RARB: variants seen among roughly 807,000 people sequenced by gnomAD.
RARB encodes retinoic acid receptor beta.
RARB carries 17 observed loss-of-function variants against 51.9 expected under a neutral mutation model. The ratio of observed to expected loss-of-function variants is 0.33; its 90% CI spans 0.22 to 0.49. The LOEUF (loss-of-function observed/expected upper bound fraction) is 0.49. Ranked by LOEUF, RARB falls within the 20% of genes least tolerant of loss-of-function variation. The pLI is 0.99. For missense variants in RARB, 369 were observed against 550.8 expected, an observed-to-expected ratio of 0.67 and a Z score of 3.30; for synonymous variants, 215 against 195.4, an observed-to-expected ratio of 1.10 and a Z score of -0.84.
chr3:25,576,555 C>A (rs375591900), intron 4 of RARB, among the ~76,000 whole-genome samples: 1 of 152,202 alleles, frequency 6.6e-6, no homozygotes, highest in East Asian at 1.9e-4. Context: ...AAGGTCATGT[C>A]CCAGCTCAGG....
intron 2 of RARB, among the ~76,000 whole-genome samples, chr3:25,490,237 C>T (rs888776971): frequency 9.9e-5 from 15 of 152,026 alleles, no homozygotes; most frequent in African/African-American, 3.6e-4. Flanking sequence ...CCAACATGGC[C>T]CTGAAAATTA....
intron 5 of RARB, among the ~76,000 whole-genome samples, chr3:25,277,097 AC>A (rs1175142874): frequency 6.6e-6 from 1 of 152,224 alleles, no homozygotes; most frequent in Admixed American, 6.5e-5. Context: ...CCCACGTATT[AC>A]TGGAAAAGTT....
chr3:25,493,411 G>T (rs1294095246), intron 2 of RARB, among the ~76,000 whole-genome samples: 1 of 152,106 alleles, frequency 6.6e-6, no homozygotes, highest in Non-Finnish European at 1.5e-5. Flanking sequence ...AGCTGTGATG[G>T]GATTATTCCA....
chr3:25,569,391 A>G (rs1025968539), intron 3 of RARB, among the ~76,000 whole-genome samples: 1 of 152,230 alleles, frequency 6.6e-6, no homozygotes, highest in Admixed American at 6.5e-5. Context: ...CTTCCCTTAC[A>G]ATGTCACTCA....
chr3:25,196,010 T>C (rs983980513), intron 5 of RARB, among the ~76,000 whole-genome samples: 2 of 152,000 alleles, frequency 1.3e-5, no homozygotes, highest in African/African-American at 4.8e-5. Context: ...CATTTAAAAA[T>C]TCTTCGTGGT....
chr3:25,287,925 T>A (rs531793930), intron 5 of RARB, among the ~76,000 whole-genome samples: 1 of 152,102 alleles, frequency 6.6e-6, no homozygotes, highest in East Asian at 1.9e-4. Context: ...CTATGTAAGA[T>A]CACAAACTTA....
chr3:25,120,856 A>T (rs934505193), intron 3 of RARB, among the ~76,000 whole-genome samples: 16 of 152,082 alleles, frequency 1.1e-4, no homozygotes. Flanking sequence ...TTCACTGCAA[A>T]TAAGCCACAC....
intron 3 of RARB, among the ~76,000 whole-genome samples, chr3:25,544,185 A>G (rs1440159017): frequency 5.9e-5 from 9 of 152,220 alleles, no homozygotes. Context: ...GAAAAATTGG[A>G]TATATTATTT....
rs1193162346 is a variant in RARB, at chr3:25,219,291, C to T, written c.178+44716C>T. Among the ~76,000 whole-genome samples the T allele has an allele frequency of 4.6e-5, 7 of 151,754 alleles. No individual in the cohort carries two copies. The East Asian group carries it at 1.4e-3, about 29-fold the overall frequency. On this transcript the variant is annotated intron_variant, in intron 5 of 11. Transcript: ENST00000383772. Reference sequence around the variant, plus strand: ...AAAAAAAAAAATATGTATCCATACACCATCTTATAGCAAAGACTAAGGAAG... The same window carrying T: ...AAAAAAAAAAATATGTATCCATACATCATCTTATAGCAAAGACTAAGGAAG...
In RARB at chr3:25,332,617, A is replaced by G. The variant is rs555587540; in HGVS notation, c.179-128576A>G. 2.0e-5 allele frequency among the ~76,000 whole-genome samples: 3 copies of G among 152,348 alleles called. No individual in the cohort carries two copies. The South Asian group carries it at 6.2e-4, about 32-fold the overall frequency. ...AGCATTCCCTTTGAAAACTGGCACA[A>G]GACAGGGATGACCTCTCTCACCACT... On this transcript the variant is annotated intron_variant, in intron 5 of 11. Coordinates refer to the RARB transcript ENST00000383772.
intron 4 of RARB, among the ~76,000 whole-genome samples, chr3:25,135,185 C>T (rs947799556): frequency 1.3e-5 from 2 of 151,824 alleles, no homozygotes; most frequent in Non-Finnish European, 2.9e-5. Flanking sequence ...AGCCACTAGC[C>T]AGGTGTGGCT....
At chr3:25,005,481 G>T (rs1476460604) in intron 2 of RARB, among the ~76,000 whole-genome samples, 1 of 152,130 alleles carries the variant, frequency 6.6e-6, no homozygotes, top group Non-Finnish European at 1.5e-5. Context: ...CTGATTGTAG[G>T]CAGAAAGTTC....
intron 2 of RARB, among the ~76,000 whole-genome samples, chr3:24,898,764 C>G (rs1380386013): frequency 6.6e-6 from 1 of 152,256 alleles, no homozygotes; most frequent in South Asian, 2.1e-4. Context: ...CTGCATTTAG[C>G]TTTTTGCTCT....
At chr3:25,106,444 G>GTTTTT (rs1478060108) in intron 3 of RARB, among the ~76,000 whole-genome samples, 22 of 67,006 alleles carry the variant, frequency 3.3e-4, no homozygotes, top group African/African-American at 1.1e-3. Context: ...CCCAGCTACT[G>GTTTTT]TTTTTTGTTT....
At chr3:25,318,206 G>C (rs986416975) in intron 5 of RARB, among the ~76,000 whole-genome samples, 1 of 152,120 alleles carries the variant, frequency 6.6e-6, no homozygotes, top group African/African-American at 2.4e-5. Flanking sequence ...GTCACCATCA[G>C]CACTAAATTC....
chr3:25,314,808 C>T (rs916330897), intron 5 of RARB, among the ~76,000 whole-genome samples: 1 of 152,102 alleles, frequency 6.6e-6, no homozygotes. Context: ...AGGTGGTGAG[C>T]GTAGTACCCA....
chr3:25,362,397 C>T (rs1413379157), intron 5 of RARB, among the ~76,000 whole-genome samples: 4 of 152,210 alleles, frequency 2.6e-5, no homozygotes, highest in African/African-American at 9.7e-5. Flanking sequence ...GCAGTACTCT[C>T]ATTCCAGTGG....
At position 25,596,908 on chromosome 3, in the gene RARB, C is replaced by A. The variant is rs1343938087; in HGVS notation, c.*292C>A. Reference sequence around the variant, plus strand: ...CAAGATTGCATGGCAAAGACCCAGTCAAAATGATTTACCCCTGGTTAAGTT... The same window carrying A: ...CAAGATTGCATGGCAAAGACCCAGTAAAAATGATTTACCCCTGGTTAAGTT... On this transcript the variant is annotated 3_prime_UTR_variant, in exon 8 of 8. Transcript: ENST00000330688. 1 of 255,356 alleles carries A rather than the reference C, an allele frequency of 3.9e-6. No individual in the cohort carries two copies. Among genetic ancestry groups the A allele is most frequent in the Admixed American group, 4.9e-5 (1 of 20,404 alleles). The allele number at this position is 255,356 out of a possible 1,614,324, so 15.8% of individuals were successfully genotyped here.
chr3:25,495,415 C>A (rs1011501852), intron 2 of RARB, among the ~76,000 whole-genome samples: 1 of 152,110 alleles, frequency 6.6e-6, no homozygotes, highest in African/African-American at 2.4e-5. Flanking sequence ...GTAAAAAAGA[C>A]AGTTATCTTG....
Sources: allele counts gnomAD v4.1 joint callset (sites outside exome capture counted in the v4.1 genomes callset), GRCh38; gene constraint gnomAD v4.1.1; transcripts MANE v1.5; gene names NCBI Gene and HGNC (gene_info 2026-07-23, HGNC 2026-07-21).